WASHC4: variants seen among roughly 807,000 people sequenced by gnomAD.
WASHC4 encodes the protein WASH complex subunit 4.
WASHC4 carries 86 observed loss-of-function variants against 166.6 expected under a neutral mutation model. That is an observed-to-expected ratio of 0.52 (90% CI 0.43 to 0.62). The LOEUF (loss-of-function observed/expected upper bound fraction) is 0.62, where lower values mean the gene tolerates loss of function less well. WASHC4 is among the 20% of genes least tolerant of loss of function. The probability of loss-of-function intolerance (pLI) is 0.00; values close to 1 mark genes in which losing one functional copy is unlikely to be tolerated. For missense variants in WASHC4, 1,262 were observed against 1,382.4 expected (o/e 0.91, Z 1.38); for synonymous variants, 446 against 451.6 (o/e 0.99, Z 0.16).
Position 105,142,411 on chromosome 12 carries a change from T to A in WASHC4, c.1788-42T>A, listed in dbSNP as rs757905376. 3 of 1,106,556 alleles carry A rather than the reference T, an allele frequency of 2.7e-6. No homozygotes were observed. The East Asian group carries it at 7.1e-5, about 26-fold the overall frequency. The allele number at this position is 1,106,556 out of a possible 1,614,324, so 68.5% of individuals were successfully genotyped here. Reference sequence around the variant, plus strand: ...TCATTCCTTTCATATTGTTTTGGGATTCTTCAGTTTTGGTGTGACTGATTA... The same window carrying A: ...TCATTCCTTTCATATTGTTTTGGGAATCTTCAGTTTTGGTGTGACTGATTA... On this transcript the variant is annotated intron_variant, in intron 18 of 32. Coordinates refer to ENST00000332180, the MANE Select transcript of WASHC4 (RefSeq NM_015275.3).
intron 1 of WASHC4, among the ~76,000 whole-genome samples, chr12:105,109,181 AT>A (rs1011531965): frequency 1.4e-4 from 21 of 151,712 alleles, no homozygotes; most frequent in African/African-American, 1.9e-4. Context: ...AAATCTTTTA[AT>A]TTTTTTTTGT....
At chr12:105,143,033 G>A in intron 19 of WASHC4, 94 bp from the exon 20 acceptor site, 1 of 775,404 alleles carries the variant, frequency 1.3e-6, no homozygotes. Context: ...TTCAGATCGA[G>A]GTTTTGTCTT....
intron 4 of WASHC4, among the ~76,000 whole-genome samples, chr12:105,114,709 A>C (rs546968964): frequency 6.6e-6 from 1 of 152,030 alleles, no homozygotes; most frequent in Non-Finnish European, 1.5e-5. Context: ...CTGGTAGTCA[A>C]CAGTTTGAAT....
At chr12:105,129,551 T>C (rs1251596001) in intron 13 of WASHC4, among the ~76,000 whole-genome samples, 1 of 152,210 alleles carries the variant, frequency 6.6e-6, no homozygotes, top group Non-Finnish European at 1.5e-5. Context: ...AGCTGGTGTT[T>C]GGTGGTGCCA....
At position 105,126,319 on chromosome 12, in the gene WASHC4, T is replaced by C. The variant is rs199927759; in HGVS notation, c.995T>C (p.Ile332Thr). The C allele has an allele frequency of 1.8e-3, 2,884 of 1,602,134 alleles. 8 individuals are homozygous for C. The highest frequency in any genetic ancestry group is 2.3e-3 in the Non-Finnish European group (2,690 of 1,169,990). Residue 332 changes from isoleucine (I) to threonine (T), a missense_variant, in exon 12 of 33, where the codon ATT (isoleucine) becomes ACT (threonine). Transcript: ENST00000332180. ...FVLHFQIFRT[I>T]DKKFYKSLLD... The stretch of plus-strand genomic sequence containing the variant: ...TTGCACTTTCAGATTTTTCGAACTA[T>C]TGATAAAAAGTTTTATAAGTCTTTA...
chr12:105,157,405 A>G, intron 28 of WASHC4, 83 bp downstream of exon 28: 2 of 768,262 alleles, frequency 2.6e-6, no homozygotes, highest in Non-Finnish European at 4.4e-6. Flanking sequence ...TGTAATTTTT[A>G]TGCCACTGTT....
At chr12:105,146,990 A>G (rs1883350015) in intron 23 of WASHC4, 52 bp from the exon 24 acceptor site, 7 of 958,560 alleles carry the variant, frequency 7.3e-6, no homozygotes, top group African/African-American at 1.6e-5. Flanking sequence ...CTGTTTGACC[A>G]GTGTTTGCTA....
chr12:105,130,406 G>T (rs1309338480), intron 13 of WASHC4, among the ~76,000 whole-genome samples: 1 of 152,210 alleles, frequency 6.6e-6, no homozygotes, highest in Non-Finnish European at 1.5e-5. Context: ...TAAGTGGACA[G>T]TTGAATAAGT....
intron 29 of WASHC4, 38 bp downstream of exon 29, chr12:105,160,186 A>T (rs756818283): frequency 5.0e-4 from 759 of 1,523,968 alleles, no homozygotes; most frequent in Non-Finnish European, 6.3e-4. Flanking sequence ...TTTTTTTTTT[A>T]AAAAGAGTAT....
intron 6 of WASHC4, among the ~76,000 whole-genome samples, chr12:105,116,850 C>T (rs1880232265): frequency 6.6e-6 from 1 of 152,076 alleles, no homozygotes; most frequent in Middle Eastern, 3.2e-3. Context: ...CCTTTACATC[C>T]AGAGAACAAA....
At chr12:105,150,584 G>A (rs1883670506) in intron 25 of WASHC4, among the ~76,000 whole-genome samples, 1 of 152,190 alleles carries the variant, frequency 6.6e-6, no homozygotes. Context: ...AAGCATTTGA[G>A]ACCAGCGTGG....
In WASHC4 at chr12:105,167,246, C is replaced by T; in HGVS notation, c.*315C>T. ...ATCACCTCGGATTTCTTGTAATCTA[C>T]ATGTTTGTAATTTGTATTTGCATAG... On this transcript the variant is annotated 3_prime_UTR_variant, in exon 33 of 33. Transcript: ENST00000332180. The T allele has an allele frequency of 3.1e-6, 1 of 327,646 alleles. No homozygotes were observed. The highest frequency in any genetic ancestry group is 5.8e-6 in the Non-Finnish European group (1 of 173,362). The allele number at this position is 327,646 out of a possible 1,614,324, so 20.3% of individuals were successfully genotyped here.
rs779313558 is a variant in WASHC4 at position 105,156,734 on chromosome 12, A to G, written c.2767A>G (p.Met923Val). ...RQLISQIGNA[M>V]GYVRMIRSGG... is the part of the protein sequence containing the mutation. ...TTTGTGTGGTTTTTAAGGTAATGCT[A>G]TGGGCTATGTACGAATGATAAGATC... Residue 923 changes from methionine (M) to valine (V), a missense_variant, in exon 27 of 33, where the codon ATG becomes GTG. By Grantham distance (21) the Met-to-Val change is conservative. Coordinates refer to ENST00000332180, the MANE Select transcript of WASHC4 (RefSeq NM_015275.3). The G allele has an allele frequency of 4.3e-6, 7 of 1,610,754 alleles. No individual in the cohort carries two copies. The highest frequency in any genetic ancestry group is 3.3e-5 in the South Asian group (3 of 90,952).
chr12:105,119,679 C>T (rs1047691695), intron 7 of WASHC4, among the ~76,000 whole-genome samples: 2 of 152,144 alleles, frequency 1.3e-5, no homozygotes, highest in Non-Finnish European at 2.9e-5. Context: ...AAGACTCCCC[C>T]TCATCCTACC....
Position 105,147,103 on chromosome 12 carries a change from C to G in WASHC4, c.2471C>G (p.Ala824Gly). 1 of 1,611,462 alleles carries G rather than the reference C, an allele frequency of 6.2e-7. No individual in the cohort carries two copies. Residue 824 changes from alanine to glycine, a missense_variant, in exon 24 of 33, where the codon GCT (alanine) becomes GGT (glycine). Physicochemically the swap from Ala to Gly is moderately conservative, Grantham distance 60. Transcript: ENST00000332180. ...AATACTATTAATATTCGGCATATTG[C>G]TAATTCAATTCGAACACATGGCACG... ...HLNTINIRHI[A>G]NSIRTHGTGI... is the part of the protein sequence containing the mutation.
At position 105,140,497 on chromosome 12, in the gene WASHC4, C is replaced by T. The variant is rs536724558; in HGVS notation, c.1560+96C>T. 26 of 916,278 alleles carry T rather than the reference C, an allele frequency of 2.8e-5. No homozygotes were observed. In the African/African-American group the frequency reaches 3.3e-4, roughly 12 times the overall value. 56.8% of individuals were successfully genotyped at this position (916,278 alleles called of 1,614,324 possible). ...TGTTTTCTGGTTTAACCTGTTTATT[C>T]CATTCCTTCAAACATAATATGCTCG... On this transcript the variant is annotated intron_variant, in intron 16 of 32. Transcript: ENST00000332180.
At chr12:105,141,362 T>C in intron 18 of WASHC4, 116 bp downstream of exon 18, 1 of 813,034 alleles carries the variant, frequency 1.2e-6, no homozygotes, top group Non-Finnish European at 2.2e-6. Context: ...TTAGTTCCTT[T>C]CTGTAACTTC....
intron 22 of WASHC4, among the ~76,000 whole-genome samples, chr12:105,145,104 C>T (rs762093359): frequency 1.2e-4 from 18 of 151,066 alleles, no homozygotes; most frequent in Admixed American, 6.6e-4. Context: ...GTTGAGCATT[C>T]GAGATATACA....
chr12:105,152,526 C>T (rs1253301294), intron 26 of WASHC4, 75 bp downstream of exon 26: 2 of 866,958 alleles, frequency 2.3e-6, no homozygotes, highest in African/African-American at 1.7e-5. Context: ...CTATTTCACA[C>T]TAATAAGCAG....
Sources: gnomAD v4.1 joint callset for allele counts (sites outside exome capture counted in the v4.1 genomes callset) on GRCh38, gnomAD v4.1.1 for gene constraint, MANE v1.5 for transcripts, NCBI Gene and HGNC (gene_info 2026-07-23, HGNC 2026-07-21) for gene names.